The following RRM2 variants were observed in gnomAD, a reference collection of about 807,000 sequenced individuals.
RRM2 encodes ribonucleotide reductase regulatory subunit M2.
RRM2 carries 6 observed loss-of-function variants against 45.9 expected under a neutral mutation model. The ratio of observed to expected loss-of-function variants is 0.13; its 90% CI spans 0.07 to 0.26. The LOEUF is 0.26. Among genes scored for constraint, RRM2 ranks in the 10% least tolerant of loss-of-function variants. RRM2 has a pLI of 1.00. For synonymous variants in RRM2, 177 were observed against 173.0 expected, an observed-to-expected ratio of 1.02 and a Z score of -0.18; for missense variants, 343 against 489.5, an observed-to-expected ratio of 0.70 and a Z score of 2.82.
At position 10,205,068 on chromosome 2, in the gene RRM2, T is replaced by G. The variant is rs550805474; in HGVS notation, n.483-5243T>G. On this transcript the variant is annotated intron_variant and non_coding_transcript_variant, in intron 3 of 3. Transcript: ENST00000381786. This position sits in a 1 kb window ranked among gnomAD's most constrained non-coding sequence, Gnocchi z 4.8. Reference sequence around the variant, plus strand: ...GAATCCAGCAAACTTTTGTTTTCAGTGCCCAGCTCCCTAAGCCTTCTTTGT... The same window carrying G: ...GAATCCAGCAAACTTTTGTTTTCAGGGCCCAGCTCCCTAAGCCTTCTTTGT... 3.3e-5 allele frequency among the ~76,000 whole-genome samples: 5 copies of G among 152,392 alleles called. No homozygotes were observed. In the East Asian group the frequency reaches 7.7e-4, roughly 23 times the overall value.
chr2:10,175,799 T>C (rs1663903954), intron 3 of RRM2, among the ~76,000 whole-genome samples: 1 of 151,676 alleles, frequency 6.6e-6, no homozygotes. Flanking sequence ...AGAGACAGGG[T>C]TTCACCATGT....
At chr2:10,137,969 C>T (rs2125310860), upstream of RRM2, among the ~76,000 whole-genome samples, 1 of 152,234 alleles carries the variant, frequency 6.6e-6, no homozygotes, top group South Asian at 2.1e-4. Flanking sequence ...GCAGGGGCCG[C>T]TGCAGCAAAG....
chr2:10,199,504 A>G (rs1006038298), intron 3 of RRM2, among the ~76,000 whole-genome samples: 17 of 152,136 alleles, frequency 1.1e-4, no homozygotes, highest in Admixed American at 8.5e-4. Context: ...TCATGGGGCC[A>G]GGTGTGGTGG....
downstream of RRM2, among the ~76,000 whole-genome samples, chr2:10,134,993 T>C (rs1662966222): frequency 6.6e-6 from 1 of 152,158 alleles, no homozygotes. Flanking sequence ...AAAAGAACAA[T>C]CATTAAACGA....
chr2:10,174,482 ATG>A (rs1222185453), intron 3 of RRM2, among the ~76,000 whole-genome samples: 1 of 151,150 alleles, frequency 6.6e-6, no homozygotes, highest in East Asian at 2.0e-4. Context: ...GCGAGCGCCT[ATG>A]GGGTGGAGTG....
chr2:10,123,000 G>T lies in RRM2; in HGVS notation c.117G>T (p.Gly39=), dbSNP rs965349430. ...CCCCGCAGCCGCCGGCCCTGAGCGG[G>T]ACCCGCGTCCTGGCCAGCAAGACCG... ...DKENTPPALS[G]TRVLASKTAR... The change falls in exon 2 of 10, where the codon GGG becomes GGT. Residue 39 remains glycine (G), a synonymous_variant. Coordinates refer to ENST00000304567, the MANE Select transcript of RRM2 (RefSeq NM_001034.4). 4 of 1,561,484 alleles carry T rather than the reference G, an allele frequency of 2.6e-6. No individual in the cohort carries two copies. Among genetic ancestry groups the T allele is most frequent in the Non-Finnish European group, 3.4e-6 (4 of 1,160,056 alleles).
At chr2:10,124,694 A>C (rs1349655624) in intron 4 of RRM2, 23 bp from the exon 5 acceptor site, 1 of 1,595,038 alleles carries the variant, frequency 6.3e-7, no homozygotes, top group African/African-American at 1.3e-5. Context: ...CTCAAGCTTA[A>C]CTTTGATGTG....
intron 3 of RRM2, among the ~76,000 whole-genome samples, chr2:10,145,070 C>G (rs138444763): frequency 3.3e-5 from 5 of 151,952 alleles, no homozygotes; most frequent in Non-Finnish European, 7.4e-5. Context: ...GTGGAAGCTG[C>G]GGGAGGGAAA....
chr2:10,139,157 C>T (rs1349777852), upstream of RRM2, among the ~76,000 whole-genome samples: 1 of 152,128 alleles, frequency 6.6e-6, no homozygotes, highest in East Asian at 1.9e-4. Context: ...CAGGTATGGG[C>T]AGTCATCTCC....
chr2:10,155,258 G>C (rs192442427), intron 3 of RRM2: 5 of 199,426 alleles, frequency 2.5e-5, no homozygotes, highest in African/African-American at 1.2e-4. Context: ...TGTGAAAATG[G>C]TTAGATAAAT....
At chr2:10,207,046 G>C (rs1664677488) in intron 3 of RRM2, among the ~76,000 whole-genome samples, 1 of 152,180 alleles carries the variant, frequency 6.6e-6, no homozygotes, top group Non-Finnish European at 1.5e-5. Flanking sequence ...AGAGGGAATG[G>C]CTGTCTCAGA....
intron 3 of RRM2, among the ~76,000 whole-genome samples, chr2:10,176,726 T>C (rs533266651): frequency 6.6e-6 from 1 of 152,346 alleles, no homozygotes; most frequent in East Asian, 1.9e-4. Flanking sequence ...TTCCATTGTA[T>C]GAACAAAACA....
exon 4 of RRM2, chr2:10,210,384 A>G (rs1005071909): frequency 2.2e-6 from 3 of 1,367,472 alleles, no homozygotes; most frequent in Admixed American, 3.8e-5. Context: ...AGGGAGAGCC[A>G]CCGTGGTGCT....
Position 10,130,247 on chromosome 2 carries a change from AAG to A in RRM2, c.*864_*865del, listed in dbSNP as rs1306809175. On this transcript the variant is annotated 3_prime_UTR_variant, in exon 10 of 10. Transcript: ENST00000304567. ...TCTGGTTGATGAGAAAAAATTCTTGAAGAGTTTTCATATGTGGGAGCTAAGGT... is the reference window on the plus strand; with the variant it reads ...TCTGGTTGATGAGAAAAAATTCTTGAAGTTTTCATATGTGGGAGCTAAGGT... The A allele has an allele frequency of 5.3e-5, 8 of 152,162 alleles. No homozygotes were observed. The highest frequency in any genetic ancestry group is 1.7e-4 in the African/African-American group (7 of 41,438). The allele number at this position is 152,162 out of a possible 1,614,324, so 9.4% of individuals were successfully genotyped here.
chr2:10,137,247 G>A (rs562913082), upstream of RRM2, among the ~76,000 whole-genome samples: 1 of 152,308 alleles, frequency 6.6e-6, no homozygotes, highest in Admixed American at 6.5e-5. Flanking sequence ...TGGGTGACCA[G>A]AACTTGCACC....
chr2:10,158,443 T>C (rs1056230593), intron 3 of RRM2, among the ~76,000 whole-genome samples: 1 of 152,000 alleles, frequency 6.6e-6, no homozygotes, highest in Non-Finnish European at 1.5e-5. Flanking sequence ...TCTGGGAGAT[T>C]AGGTGAGCAA....
intron 3 of RRM2, among the ~76,000 whole-genome samples, chr2:10,149,699 C>T (rs1196237410): frequency 6.6e-6 from 1 of 152,314 alleles, no homozygotes; most frequent in South Asian, 2.1e-4. Flanking sequence ...GAGGACTACA[C>T]CCAGTGCCAT....
Position 10,210,654 on chromosome 2 carries a change from A to G in RRM2, n.826A>G, listed in dbSNP as rs116526276. ...CTGCCTCTCATGCCGGAGTGGGGGA[A>G]ATGGAACCCGCAAAGCCTGCAGGCC... On this transcript the variant is annotated non_coding_transcript_exon_variant, in exon 4 of 4. Transcript: ENST00000381786. 3.0e-4 allele frequency: 401 copies of G among 1,329,772 alleles called. 2 individuals are homozygous for G. In the African/African-American group the frequency reaches 5.7e-3, roughly 19 times the overall value. The allele number at this position is 1,329,772 out of a possible 1,614,324, so 82.4% of individuals were successfully genotyped here. A position where few individuals can be genotyped will look rare whatever the true frequency, so the allele number is the denominator to read the frequency against.
upstream of RRM2, chr2:10,122,673 C>T: frequency 1.9e-6 from 3 of 1,550,176 alleles, no homozygotes; most frequent in African/African-American, 4.1e-5. Context: ...GGCACCAAAG[C>T]CAATGGGAAG....
Sources: allele counts gnomAD v4.1 joint callset (sites outside exome capture counted in the v4.1 genomes callset), GRCh38; gene constraint gnomAD v4.1.1; non-coding constraint Gnocchi (gnomAD v3.1); transcripts MANE v1.5; gene names NCBI Gene and HGNC (gene_info 2026-07-23, HGNC 2026-07-21).